The following PSD3 variants were observed in gnomAD, a reference collection of about 807,000 sequenced individuals.
PSD3 encodes the protein pleckstrin and Sec7 domain containing 3, also known as PH and SEC7 domain-containing protein 3.
In PSD3, 49 loss-of-function variants were observed where a neutral mutation model predicts 105.5. The ratio of observed to expected loss-of-function variants is 0.46; its 90% CI spans 0.37 to 0.59. The LOEUF (loss-of-function observed/expected upper bound fraction) is 0.59. PSD3 is among the 20% of genes least tolerant of loss of function. PSD3 has a pLI of 0.00. For missense variants in PSD3, 1,561 were observed against 1,263.8 expected (o/e 1.24, Z -3.57); for synonymous variants, 557 against 457.8 (o/e 1.22, Z -2.77).
intron 1 of PSD3, among the ~76,000 whole-genome samples, chr8:18,938,209 A>G (rs1476391417): frequency 1.3e-5 from 2 of 152,246 alleles, no homozygotes; most frequent in East Asian, 1.9e-4. Flanking sequence ...AGCAGCAGAG[A>G]TATCAGCTAG....
intron 11 of PSD3, among the ~76,000 whole-genome samples, chr8:18,601,728 A>G (rs915011532): frequency 3.3e-5 from 5 of 152,250 alleles, no homozygotes; most frequent in Admixed American, 2.0e-4. Context: ...TTATAAAGCA[A>G]AAAAGCAACT....
chr8:18,865,920 C>A (rs1816899892), intron 4 of PSD3, among the ~76,000 whole-genome samples: 1 of 152,204 alleles, frequency 6.6e-6, no homozygotes, highest in Non-Finnish European at 1.5e-5. Context: ...CATGCTGGCC[C>A]AAATGATGAC....
At chr8:18,579,839 A>G (rs913324159) in intron 12 of PSD3, among the ~76,000 whole-genome samples, 1 of 152,322 alleles carries the variant, frequency 6.6e-6, no homozygotes, top group African/African-American at 2.4e-5. Context: ...TATTTACTTC[A>G]TGCCTCATTA....
intron 1 of PSD3, among the ~76,000 whole-genome samples, chr8:19,069,584 T>C (rs1209101125): frequency 1.3e-5 from 2 of 152,206 alleles, no homozygotes; most frequent in South Asian, 4.1e-4. Flanking sequence ...TTGAAAGGGA[T>C]AGGGTCATCA....
intron 8 of PSD3, among the ~76,000 whole-genome samples, chr8:18,771,524 TAGAA>T (rs1325258981): frequency 6.6e-6 from 1 of 152,232 alleles, no homozygotes. Context: ...TTTTGTACGA[TAGAA>T]AGCAGAGATT....
intron 4 of PSD3, among the ~76,000 whole-genome samples, chr8:18,845,306 C>G (rs953804994): frequency 5.9e-5 from 9 of 152,140 alleles, no homozygotes; most frequent in African/African-American, 1.9e-4. Flanking sequence ...CAGTAGTGAG[C>G]TGAAGAAACC....
chr8:18,834,738 A>G (rs1202181866), intron 4 of PSD3, among the ~76,000 whole-genome samples: 1 of 152,206 alleles, frequency 6.6e-6, no homozygotes, highest in Non-Finnish European at 1.5e-5. Context: ...GACGCCATGA[A>G]AAAAAGGGAG....
chr8:18,792,303 A>G (rs181110187), intron 8 of PSD3, among the ~76,000 whole-genome samples: 24 of 152,336 alleles, frequency 1.6e-4, no homozygotes, highest in Admixed American at 5.2e-4. Flanking sequence ...TAGGAAAGAC[A>G]TGGAATCAAC....
chr8:18,589,929 T>A (rs1282076111), intron 12 of PSD3, among the ~76,000 whole-genome samples: 2 of 152,174 alleles, frequency 1.3e-5, no homozygotes, highest in Non-Finnish European at 2.9e-5. Context: ...TACTTAAACA[T>A]CTGTATTCCC....
At chr8:18,846,556 G>C (rs1451014251) in intron 4 of PSD3, among the ~76,000 whole-genome samples, 1 of 152,202 alleles carries the variant, frequency 6.6e-6, no homozygotes, top group Non-Finnish European at 1.5e-5. Context: ...ATTCCTGGCA[G>C]AGAGGGTCAC....
intron 4 of PSD3, among the ~76,000 whole-genome samples, chr8:18,805,793 C>A (rs555193253): frequency 1.3e-5 from 2 of 152,140 alleles, no homozygotes; most frequent in South Asian, 2.1e-4. Context: ...CCTTTGCGGG[C>A]AGATACAAGT....
At chr8:18,748,442 C>G (rs1390924965) in intron 9 of PSD3, among the ~76,000 whole-genome samples, 1 of 151,948 alleles carries the variant, frequency 6.6e-6, no homozygotes, top group Non-Finnish European at 1.5e-5. Flanking sequence ...GGGCGGATCA[C>G]GAGGCCAGGA....
chr8:18,581,630 G>A (rs1220615300), intron 12 of PSD3, among the ~76,000 whole-genome samples: 2 of 152,090 alleles, frequency 1.3e-5, no homozygotes, highest in Non-Finnish European at 2.9e-5. Flanking sequence ...CATTCACCCT[G>A]TGTTTTCTCC....
chr8:18,916,606 G>A (rs1039822236), intron 2 of PSD3, among the ~76,000 whole-genome samples: 10 of 151,282 alleles, frequency 6.6e-5, no homozygotes, highest in African/African-American at 2.4e-4. Context: ...GGAGGTGTTG[G>A]TCAAATGGAA....
intron 2 of PSD3, among the ~76,000 whole-genome samples, chr8:18,913,854 C>G (rs1586407511): frequency 6.6e-6 from 1 of 152,102 alleles, no homozygotes; most frequent in East Asian, 1.9e-4. Flanking sequence ...AGGCCAGCCA[C>G]TGCGAACTCA....
In PSD3 at chr8:19,013,586, T is replaced by C; in HGVS notation, c.-3A>G. On this transcript the variant is annotated 5_prime_UTR_variant, in exon 1 of 16. Transcript: ENST00000327040. The stretch of plus-strand genomic sequence containing the variant: ...ACCGCTGCGCTCCTTCCTTCCATCT[T>C]CCATCGCCAGCCCGGCCGCGCGCCG... 1.3e-6 allele frequency: 2 copies of C among 1,513,818 alleles called. No individual in the cohort carries two copies. The highest frequency in any genetic ancestry group is 1.4e-5 in the African/African-American group (1 of 69,742). The allele number at this position is 1,513,818 out of a possible 1,614,324, so 93.8% of individuals were successfully genotyped here. A position where few individuals can be genotyped will look rare whatever the true frequency, so the allele number is the denominator to read the frequency against.
At chr8:18,560,497 G>C (rs1189781976) in intron 14 of PSD3, among the ~76,000 whole-genome samples, 1 of 152,048 alleles carries the variant, frequency 6.6e-6, no homozygotes, top group East Asian at 1.9e-4. Context: ...AAAAGGCATG[G>C]AGATAGAAAA....
chr8:19,023,726 T>C (rs1035948389), intron 1 of PSD3, among the ~76,000 whole-genome samples: 6 of 152,172 alleles, frequency 3.9e-5, no homozygotes, highest in Non-Finnish European at 5.9e-5. Flanking sequence ...CATGAGCCAC[T>C]GAGAATGGCT....
intron 8 of PSD3, among the ~76,000 whole-genome samples, chr8:18,793,372 G>A (rs374782520): frequency 4.3e-4 from 54 of 125,294 alleles, no homozygotes; most frequent in Admixed American, 7.3e-4. Flanking sequence ...TATCAAAATA[G>A]AAAAAAAAAA....
Sources: gnomAD v4.1 joint callset for allele counts (sites outside exome capture counted in the v4.1 genomes callset) on GRCh38, gnomAD v4.1.1 for gene constraint, MANE v1.5 for transcripts, NCBI Gene and HGNC (gene_info 2026-07-23, HGNC 2026-07-21) for gene names.